Variants in OR5H14 observed in about 807,000 individuals in gnomAD.
OR5H14 encodes olfactory receptor family 5 subfamily H member 14, also known as olfactory receptor 5H14.
For missense variants in OR5H14, 392 were observed against 363.9 expected (o/e 1.08, Z -0.63); for synonymous variants, 155 against 130.6 (o/e 1.19, Z -1.28).
chr3:98,150,466 T>G lies in OR5H14; in HGVS notation c.*148T>G. On this transcript the variant is annotated 3_prime_UTR_variant, in exon 2 of 2. Coordinates refer to ENST00000641380, the MANE Select transcript of OR5H14 (RefSeq NM_001005514.2). ...CCTATGATATAAGCACCTATTTAACTAATTAAAATATTCCTATGTTATTCA... is the reference window on the plus strand; with the variant it reads ...CCTATGATATAAGCACCTATTTAACGAATTAAAATATTCCTATGTTATTCA... 2.1e-6 allele frequency: 1 copy of G among 478,484 alleles called. No individual in the cohort carries two copies. The highest frequency in any genetic ancestry group is 3.2e-5 in the East Asian group (1 of 31,732). The allele number at this position is 478,484 out of a possible 1,614,324, so 29.6% of individuals were successfully genotyped here. A position where few individuals can be genotyped will look rare whatever the true frequency, so the allele number is the denominator to read the frequency against.
At position 98,153,531 on chromosome 3, in the gene OR5H14, C is replaced by T. The variant is rs1472095443; in HGVS notation, c.*3213C>T. ...CCAGGAGTGGGAGGTTGCAGTGAGCCGAGAAGGCACCACTGTACACCAGCC... is the reference window on the plus strand; with the variant it reads ...CCAGGAGTGGGAGGTTGCAGTGAGCTGAGAAGGCACCACTGTACACCAGCC... On this transcript the variant is annotated 3_prime_UTR_variant, in exon 2 of 2. Transcript: ENST00000641380. 2 of 152,048 alleles carry T rather than the reference C, an allele frequency of 1.3e-5. No individual in the cohort carries two copies. Among genetic ancestry groups the T allele is most frequent in the African/African-American group, 2.4e-5 (1 of 41,382 alleles). 9.4% of individuals were successfully genotyped at this position (152,048 alleles called of 1,614,324 possible). A position where few individuals can be genotyped will look rare whatever the true frequency, so the allele number is the denominator to read the frequency against.
intron 1 of OR5H14, 99 bp from the exon 2 acceptor site, chr3:98,149,269 T>G: frequency 8.2e-7 from 1 of 1,220,614 alleles, no homozygotes; most frequent in Non-Finnish European, 1.1e-6. Context: ...AAAAATTGAG[T>G]CTCTGATAAT....
In OR5H14 at chr3:98,156,252, C is replaced by A. The variant is rs920825943; in HGVS notation, c.*5934C>A. ...AAGCCTAATACTTTTAAAGGATCTC[C>A]ATAATTTCTTATGATATTAGTAAAA... On this transcript the variant is annotated 3_prime_UTR_variant, in exon 2 of 2. Transcript: ENST00000641380. 6.6e-6 allele frequency: 1 copy of A among 152,094 alleles called. No homozygotes were observed. The highest frequency in any genetic ancestry group is 1.5e-5 in the Non-Finnish European group (1 of 68,006). The allele number at this position is 152,094 out of a possible 1,614,324, so 9.4% of individuals were successfully genotyped here. A position where few individuals can be genotyped will look rare whatever the true frequency, so the allele number is the denominator to read the frequency against.
rs74576287 is a variant in OR5H14 at position 98,155,220 on chromosome 3, C to T, written c.*4902C>T. The T allele has an allele frequency of 0.16, 22,630 of 141,644 alleles. 1 individual carries two copies. The highest frequency in any genetic ancestry group is 0.35 in the East Asian group (1,632 of 4,620). 8.8% of individuals were successfully genotyped at this position (141,644 alleles called of 1,614,324 possible). On this transcript the variant is annotated 3_prime_UTR_variant, in exon 2 of 2. Transcript: ENST00000641380. ...TTCCTTAGACCGCTGCCCAACAAAC[C>T]GTGTTTAGAAAACCCTACCCTCTGG...
Position 98,150,156 on chromosome 3 carries a change from C to T in OR5H14, c.771C>T (p.Phe257=), listed in dbSNP as rs368556905. ...SVSLYYGPLA[F]MYMGSASPQA... ...CTTTATACTATGGGCCCCTCGCCTT[C>T]ATGTATATGGGCTCTGCATCCCCAC... is the stretch of plus-strand genomic sequence containing the variant. The change falls in exon 2 of 2, where the codon TTC becomes TTT. Residue 257 remains phenylalanine, a synonymous_variant. Transcript: ENST00000641380. 230 of 1,612,194 alleles carry T rather than the reference C, an allele frequency of 1.4e-4. 2 individuals carry two copies. Among genetic ancestry groups the T allele is most frequent in the Non-Finnish European group, 1.7e-6 (2 of 1,179,526 alleles).
rs1437270746 is a variant in OR5H14 at position 98,150,526 on chromosome 3, A to G, written c.*208A>G. On this transcript the variant is annotated 3_prime_UTR_variant, in exon 2 of 2. Coordinates refer to ENST00000641380, the MANE Select transcript of OR5H14 (RefSeq NM_001005514.2). Reference sequence around the variant, plus strand: ...GAGAAATTTTAATCAAGTCTTCATAATAGAATAATGATAGCAGAAGCAAAT... The same window carrying G: ...GAGAAATTTTAATCAAGTCTTCATAGTAGAATAATGATAGCAGAAGCAAAT... The G allele has an allele frequency of 2.5e-6, 1 of 404,508 alleles. No homozygotes were observed. Among genetic ancestry groups the G allele is most frequent in the Non-Finnish European group, 4.4e-6 (1 of 227,848 alleles). The allele number at this position is 404,508 out of a possible 1,614,324, so 25.1% of individuals were successfully genotyped here.
chr3:98,147,719 T>A (rs767692850), intron 1 of OR5H14, among the ~76,000 whole-genome samples, 165 bp downstream of exon 1: 12 of 152,136 alleles, frequency 7.9e-5, no homozygotes, highest in Admixed American at 7.2e-4. Flanking sequence ...TTTATGACTA[T>A]ACTATGGATA....
At position 98,150,236 on chromosome 3, in the gene OR5H14, T is replaced by C. The variant is rs1333982027; in HGVS notation, c.851T>C (p.Leu284Ser). 8.7e-6 allele frequency: 14 copies of C among 1,611,004 alleles called. No individual in the cohort carries two copies. The highest frequency in any genetic ancestry group is 7.6e-6 in the Non-Finnish European group (9 of 1,178,730). The change falls in exon 2 of 2, where the codon TTA becomes TCA. Residue 284 changes from leucine to serine, a missense_variant. Physicochemically the swap from Leu to Ser is moderately radical, Grantham distance 145. Coordinates refer to ENST00000641380, the MANE Select transcript of OR5H14 (RefSeq NM_001005514.2). ...ESLFYTVIVP[L>S]LNPMIYSLRN... The stretch of plus-strand genomic sequence containing the variant: ...CTATTTTACACTGTCATAGTTCCTT[T>C]ATTAAATCCCATGATCTACAGCCTG...
rs1231900776 is a variant in OR5H14, at chr3:98,149,824, T to C, written c.439T>C (p.Leu147=). ...TGGACTGTGCATCCGGCTATTAATC[T>C]TGTCATATGTAGGTGGTCTTCTTCA... ...TNGLCIRLLI[L]SYVGGLLHAL... is the part of the protein sequence containing the mutation. The change falls in exon 2 of 2, where the codon TTG becomes CTG. Residue 147 remains leucine, a synonymous_variant. Transcript: ENST00000641380. The C allele has an allele frequency of 6.2e-7, 1 of 1,612,930 alleles. No individual in the cohort carries two copies. The highest frequency in any genetic ancestry group is 1.1e-5 in the South Asian group (1 of 91,068).
In OR5H14 at chr3:98,149,181, C is replaced by T. The variant is rs928314821; in HGVS notation, c.-18-187C>T. 1.2e-5 allele frequency: 8 copies of T among 670,358 alleles called. No individual in the cohort carries two copies. The African/African-American group carries it at 1.5e-4, about 12-fold the overall frequency. 41.5% of individuals were successfully genotyped at this position (670,358 alleles called of 1,614,324 possible). A position where few individuals can be genotyped will look rare whatever the true frequency, so the allele number is the denominator to read the frequency against. On this transcript the variant is annotated intron_variant, in intron 1 of 1. Transcript: ENST00000641380. ...AAATCCAGAGTATGCATATTACTAC[C>T]AAATTTTCAAACTAAAATATGACAT...
rs1220307802 is a variant in OR5H14 at position 98,150,969 on chromosome 3, C to T, written c.*651C>T. 1 of 152,110 alleles carries T rather than the reference C, an allele frequency of 6.6e-6. No homozygotes were observed. Among genetic ancestry groups the T allele is most frequent in the African/African-American group, 2.4e-5 (1 of 41,438 alleles). The allele number at this position is 152,110 out of a possible 1,614,324, so 9.4% of individuals were successfully genotyped here. ...GCTTGTATGAGTAAGAACCATGCAG[C>T]CTCTAACTTCCTAAGATGGCTTCTA... On this transcript the variant is annotated 3_prime_UTR_variant, in exon 2 of 2. Coordinates refer to ENST00000641380, the MANE Select transcript of OR5H14 (RefSeq NM_001005514.2).
In OR5H14 at chr3:98,156,402, G is replaced by C. The variant is rs1311257795; in HGVS notation, c.*6084G>C. 1 of 152,100 alleles carries C rather than the reference G, an allele frequency of 6.6e-6. No individual in the cohort carries two copies. Among genetic ancestry groups the C allele is most frequent in the Non-Finnish European group, 1.5e-5 (1 of 67,980 alleles). The allele number at this position is 152,100 out of a possible 1,614,324, so 9.4% of individuals were successfully genotyped here. On this transcript the variant is annotated 3_prime_UTR_variant, in exon 2 of 2. Transcript: ENST00000641380. ...CTGGGAACAAATGGAACCAAGAAGA[G>C]TGAAGAATCTTTGTATCTCATTATT...
In OR5H14 at chr3:98,154,960, G is replaced by A. The variant is rs1413605081; in HGVS notation, c.*4642G>A. On this transcript the variant is annotated 3_prime_UTR_variant, in exon 2 of 2. Transcript: ENST00000641380. The stretch of plus-strand genomic sequence containing the variant: ...GCTCCTGATCATCATGCAACTGGAG[G>A]CCATGGAATTCTAACCTTCCTAACT... 2.4e-5 allele frequency: 3 copies of A among 126,464 alleles called. No individual in the cohort carries two copies. The highest frequency in any genetic ancestry group is 6.3e-4 in the East Asian group (2 of 3,182). 7.8% of individuals were successfully genotyped at this position (126,464 alleles called of 1,614,324 possible). A position where few individuals can be genotyped will look rare whatever the true frequency, so the allele number is the denominator to read the frequency against.
At position 98,150,143 on chromosome 3, in the gene OR5H14, G is replaced by T; in HGVS notation, c.758G>T (p.Gly253Val). ...CTCTTATCTGTATCTTTATACTATG[G>T]GCCCCTCGCCTTCATGTATATGGGC... is the stretch of plus-strand genomic sequence containing the variant. ...AHLLSVSLYYGPLAFMYMGSA... is the reference protein window; with the variant it reads ...AHLLSVSLYYVPLAFMYMGSA... Residue 253 changes from glycine (G) to valine (V), a missense_variant, in exon 2 of 2, where the codon GGG becomes GTG. Physicochemically the swap from Gly to Val is moderately radical, Grantham distance 109 (BLOSUM62 -3). Coordinates refer to ENST00000641380, the MANE Select transcript of OR5H14 (RefSeq NM_001005514.2). The T allele has an allele frequency of 1.9e-6, 3 of 1,611,480 alleles. No individual in the cohort carries two copies. Among genetic ancestry groups the T allele is most frequent in the East Asian group, 2.2e-5 (1 of 44,740 alleles).
Position 98,149,769 on chromosome 3 carries a change from AC to A in OR5H14, c.387del (p.Leu130TyrfsTer7). On this transcript the variant is annotated frameshift_variant, in exon 2 of 2. Coordinates refer to ENST00000641380, the MANE Select transcript of OR5H14 (RefSeq NM_001005514.2). LOFTEE classifies it low-confidence loss of function (END_TRUNC). ...ATGATCGCTATGTAGCCATATGCAA[AC>A]CCTTACTTTATCCAGCCATTATGAC... Reference protein sequence around the residue: ...AYDRYVAICKPLLYPAIMTNG... With the variant: ...AYDRYVAICKXLLYPAIMTNG... 6.2e-7 allele frequency: 1 copy of A among 1,612,710 alleles called. No homozygotes were observed. Among genetic ancestry groups the A allele is most frequent in the Non-Finnish European group, 8.5e-7 (1 of 1,179,638 alleles).
chr3:98,150,193 C>G lies in OR5H14; in HGVS notation c.808C>G (p.Gln270Glu), dbSNP rs868426396. The G allele has an allele frequency of 5.6e-6, 9 of 1,612,768 alleles. No homozygotes were observed. Among genetic ancestry groups the G allele is most frequent in the Middle Eastern group, 1.7e-4 (1 of 5,840 alleles). ...MGSASPQADDQDMMESLFYTV... is the reference protein window; with the variant it reads ...MGSASPQADDEDMMESLFYTV... Reference sequence around the variant, plus strand: ...CTCTGCATCCCCACAGGCTGATGACCAAGATATGATGGAGTCTCTATTTTA... The same window carrying G: ...CTCTGCATCCCCACAGGCTGATGACGAAGATATGATGGAGTCTCTATTTTA... Residue 270 changes from glutamine to glutamate, a missense_variant, in exon 2 of 2, where the codon CAA becomes GAA. Physicochemically the swap from Gln to Glu is conservative, Grantham distance 29 (BLOSUM62 2). Transcript: ENST00000641380.
chr3:98,148,739 A>G (rs1708455721), intron 1 of OR5H14, among the ~76,000 whole-genome samples: 1 of 152,066 alleles, frequency 6.6e-6, no homozygotes, highest in Non-Finnish European at 1.5e-5. Flanking sequence ...GTATTTTTAA[A>G]TACAGATTTC....
Position 98,149,755 on chromosome 3 carries a change from G to A in OR5H14, c.370G>A (p.Val124Ile). The A allele has an allele frequency of 6.2e-7, 1 of 1,612,872 alleles. No homozygotes were observed. Among genetic ancestry groups the A allele is most frequent in the South Asian group, 1.1e-5 (1 of 91,070 alleles). Residue 124 changes from valine to isoleucine, a missense_variant, in exon 2 of 2, where the codon GTA becomes ATA. By Grantham distance (29) the Val-to-Ile change is conservative. Transcript: ENST00000641380. ...LLATMAYDRY[V>I]AICKPLLYPA... is the part of the protein sequence containing the mutation. ...GGCAACAATGGCATATGATCGCTAT[G>A]TAGCCATATGCAAACCCTTACTTTA...
At position 98,152,215 on chromosome 3, in the gene OR5H14, T is replaced by C. The variant is rs1220565638; in HGVS notation, c.*1897T>C. The C allele has an allele frequency of 6.6e-6, 1 of 152,112 alleles. No homozygotes were observed. The highest frequency in any genetic ancestry group is 1.5e-5 in the Non-Finnish European group (1 of 68,012). The allele number at this position is 152,112 out of a possible 1,614,324, so 9.4% of individuals were successfully genotyped here. On this transcript the variant is annotated 3_prime_UTR_variant, in exon 2 of 2. Transcript: ENST00000641380. ...ATCCTGTTGGTGGGAGTGTAATTAGTTCAACCTTTGTGGAAGACAGTGCGG... is the reference window on the plus strand; with the variant it reads ...ATCCTGTTGGTGGGAGTGTAATTAGCTCAACCTTTGTGGAAGACAGTGCGG...
Sources: gnomAD v4.1 joint callset for allele counts (sites outside exome capture counted in the v4.1 genomes callset) on GRCh38, gnomAD v4.1.1 for gene constraint, MANE v1.5 for transcripts, NCBI Gene and HGNC (gene_info 2026-07-23, HGNC 2026-07-21) for gene names.